Variants in INPP5F observed in about 807,000 individuals in gnomAD.
INPP5F encodes phosphatidylinositide 4-phosphatase SAC2.
In INPP5F, 97 loss-of-function variants were observed where a neutral mutation model predicts 137.2. The ratio of observed to expected loss-of-function variants is 0.71; its 90% CI spans 0.60 to 0.84. The LOEUF is 0.84. Among genes scored for constraint, INPP5F ranks in the 40% least tolerant of loss-of-function variants. INPP5F has a pLI of 0.00. For missense variants in INPP5F, 1,271 were observed against 1,371.9 expected (o/e 0.93, Z 1.16); for synonymous variants, 504 against 476.9 (o/e 1.06, Z -0.74).
rs1287497563 is a variant in INPP5F at position 119,748,644 on chromosome 10, G to T, written c.98-2432G>T. 6.6e-6 allele frequency among the ~76,000 whole-genome samples: 1 copy of T among 152,098 alleles called. No homozygotes were observed. Among genetic ancestry groups the T allele is most frequent in the Admixed American group, 6.5e-5 (1 of 15,276 alleles). Reference sequence around the variant, plus strand: ...GACCCGAAGGGGGCAGCTCCCTCCCGCAGCTGGTGGTCTGGACATCTGTGA... The same window carrying T: ...GACCCGAAGGGGGCAGCTCCCTCCCTCAGCTGGTGGTCTGGACATCTGTGA... On this transcript the variant is annotated intron_variant, in intron 1 of 19. Transcript: ENST00000650623. This position sits in a 1 kb window ranked among gnomAD's most constrained non-coding sequence, Gnocchi z 4.7.
chr10:119,826,614 T>C lies in INPP5F; in HGVS notation c.2250-17T>C. 1 of 1,540,268 alleles carries C rather than the reference T, an allele frequency of 6.5e-7. No homozygotes were observed. Among genetic ancestry groups the C allele is most frequent in the Non-Finnish European group, 8.7e-7 (1 of 1,146,132 alleles). ...GATTCCATGGGGAATTAACTTTTTT[T>C]CTCTTCTAATTTGTAGGAAGAGCAG... On this transcript the variant is annotated splice_polypyrimidine_tract_variant and intron_variant, in intron 19 of 19. Coordinates refer to ENST00000650623, the MANE Select transcript of INPP5F (RefSeq NM_014937.4).
intron 1 of INPP5F, among the ~76,000 whole-genome samples, chr10:119,729,666 T>C (rs1486179112): frequency 6.6e-6 from 1 of 150,788 alleles, no homozygotes; most frequent in African/African-American, 2.4e-5. Context: ...AGCCCCTACC[T>C]CCCGGCACCA....
chr10:119,804,462 A>G (rs1178222674), intron 10 of INPP5F, among the ~76,000 whole-genome samples, 165 bp downstream of exon 10: 1 of 152,184 alleles, frequency 6.6e-6, no homozygotes, highest in Non-Finnish European at 1.5e-5. Flanking sequence ...TCATGTGGGC[A>G]TTATTTTGGC....
intron 2 of INPP5F, among the ~76,000 whole-genome samples, chr10:119,762,924 C>G (rs558538241): frequency 8.3e-4 from 127 of 152,314 alleles, no homozygotes; most frequent in African/African-American, 2.9e-3. Context: ...CCACCATCAA[C>G]TCTTAAAGTA....
intron 4 of INPP5F, 74 bp downstream of exon 4, chr10:119,791,719 G>C (rs1850152831): frequency 7.0e-7 from 1 of 1,427,060 alleles, no homozygotes; most frequent in African/African-American, 1.4e-5. Context: ...TCTCCACTCA[G>C]AAAATTTATT....
chr10:119,806,287 C>G (rs760405953), intron 11 of INPP5F, 73 bp from the exon 12 acceptor site: 1 of 1,114,608 alleles, frequency 9.0e-7, no homozygotes, highest in Non-Finnish European at 1.3e-6. Context: ...TATTGATATA[C>G]TTTAAAGAAT....
Position 119,815,026 on chromosome 10 carries a change from C to T in INPP5F, c.1886+3071C>T, listed in dbSNP as rs111244439. On this transcript the variant is annotated intron_variant, in intron 15 of 19. Transcript: ENST00000650623. ...GACTATAGGCACCTGACACCACGCC[C>T]GGCTAATTTTTTGTATTTTTAATAG... 1.1e-4 allele frequency among the ~76,000 whole-genome samples: 17 copies of T among 152,132 alleles called. No homozygotes were observed. The East Asian group carries it at 1.4e-3, about 12-fold the overall frequency.
intron 1 of INPP5F, among the ~76,000 whole-genome samples, chr10:119,746,039 G>A (rs1400913628): frequency 6.6e-6 from 1 of 151,970 alleles, no homozygotes; most frequent in African/African-American, 2.4e-5. Context: ...TCCACAGTTG[G>A]CCTTAGTTTA....
intron 15 of INPP5F, among the ~76,000 whole-genome samples, chr10:119,820,309 A>G (rs1851504277): frequency 6.6e-6 from 1 of 152,236 alleles, no homozygotes; most frequent in East Asian, 1.9e-4. Flanking sequence ...TTGAAAGCCA[A>G]ATAATCTATA....
chr10:119,799,909 A>G (rs1850521896), intron 9 of INPP5F, among the ~76,000 whole-genome samples: 1 of 152,152 alleles, frequency 6.6e-6, no homozygotes, highest in Non-Finnish European at 1.5e-5. Context: ...TATGTATCAC[A>G]TATTTTATTA....
chr10:119,813,130 TA>T (rs1421216707), intron 15 of INPP5F, among the ~76,000 whole-genome samples: 2 of 152,230 alleles, frequency 1.3e-5, no homozygotes, highest in African/African-American at 4.8e-5. Flanking sequence ...TAGTGTTGGC[TA>T]CGATTTTGTA....
chr10:119,731,270 A>ATTT (rs1848055441), intron 1 of INPP5F, among the ~76,000 whole-genome samples: 2 of 150,416 alleles, frequency 1.3e-5, no homozygotes, highest in Admixed American at 6.6e-5. Context: ...TTTTTTTTTG[A>ATTT]GGTATCATTT....
chr10:119,760,153 T>C (rs532879237), intron 2 of INPP5F, among the ~76,000 whole-genome samples: 13 of 152,360 alleles, frequency 8.5e-5, no homozygotes, highest in African/African-American at 3.1e-4. Flanking sequence ...AGAGGCAGGC[T>C]AGCGTGCCTC....
chr10:119,771,864 ATATATATATATATATATATTTTTTTT>A (rs1849353140), intron 2 of INPP5F, among the ~76,000 whole-genome samples: 3 of 13,120 alleles, frequency 2.3e-4, no homozygotes, highest in South Asian at 3.4e-3. Context: ...ATATATATAT[ATATATATATATATATATATTTTTTTT>A]TTTTTTTTTT....
At chr10:119,778,477 A>C (rs1849598138) in intron 2 of INPP5F, among the ~76,000 whole-genome samples, 1 of 152,180 alleles carries the variant, frequency 6.6e-6, no homozygotes, top group African/African-American at 2.4e-5. Context: ...GCTGTCTTTC[A>C]TAGACTATTT....
At chr10:119,726,942 TTGTAA>T (rs1847913381) in intron 1 of INPP5F, among the ~76,000 whole-genome samples, 3 of 151,970 alleles carry the variant, frequency 2.0e-5, no homozygotes, top group South Asian at 4.1e-4. Flanking sequence ...TTAAATTGTA[TTGTAA>T]TGTATAATTT....
chr10:119,827,583 G>C lies in INPP5F; in HGVS notation c.3202G>C (p.Val1068Leu). ...TTCAGAGAGCAGTAGCAGCAGAGCA[G>C]TCTCTCCCTTTGCCAAGATTCGAAG... ...SPSESSSSRAVSPFAKIRSSM... is the reference protein window; with the variant it reads ...SPSESSSSRALSPFAKIRSSM... The change falls in exon 20 of 20, where the codon GTC (valine) becomes CTC (leucine). Residue 1068 changes from valine (V) to leucine (L), a missense_variant. Around this residue, in one of 6 missense-constraint regions of INPP5F, gnomAD observed 490 missense variants for 443.7 expected, o/e 1.10. Transcript: ENST00000650623. 1 of 1,614,160 alleles carries C rather than the reference G, an allele frequency of 6.2e-7. No homozygotes were observed. Among genetic ancestry groups the C allele is most frequent in the Non-Finnish European group, 8.5e-7 (1 of 1,180,022 alleles).
chr10:119,810,775 TA>T (rs1851000498), intron 14 of INPP5F, among the ~76,000 whole-genome samples: 1 of 152,340 alleles, frequency 6.6e-6, no homozygotes, highest in Admixed American at 6.5e-5. Context: ...TTTAAAAATT[TA>T]ATACTCATGA....
chr10:119,750,638 G>A (rs1040524401), intron 1 of INPP5F, among the ~76,000 whole-genome samples: 2 of 152,218 alleles, frequency 1.3e-5, no homozygotes, highest in African/African-American at 4.8e-5. Context: ...GGATTTCTTT[G>A]TTTGGTATAA....
Sources: gnomAD v4.1 joint callset for allele counts (sites outside exome capture counted in the v4.1 genomes callset) on GRCh38, gnomAD v4.1.1 for gene constraint, gnomAD v4.1.1 regional missense constraint, Gnocchi (gnomAD v3.1) non-coding constraint, MANE v1.5 for transcripts, NCBI Gene and HGNC (gene_info 2026-07-23, HGNC 2026-07-21) for gene names.